Variants in SMARCAD1 observed in about 807,000 individuals in gnomAD.
The protein encoded by SMARCAD1 is SWI/SNF-related matrix-associated actin-dependent regulator of chromatin subfamily A containing DEAD/H box 1.
Under a neutral mutation model 127.1 loss-of-function variants are expected in SMARCAD1, and 25 were observed. That is an observed-to-expected ratio of 0.20 (90% CI 0.14 to 0.27). The LOEUF (loss-of-function observed/expected upper bound fraction) is 0.27. Among genes scored for constraint, SMARCAD1 ranks in the 10% least tolerant of loss-of-function variants. The pLI, the probability that SMARCAD1 is intolerant of heterozygous loss-of-function variation, is 1.00. For missense variants in SMARCAD1, 807 were observed against 1,206.0 expected, an observed-to-expected ratio of 0.67 and a Z score of 4.90; for synonymous variants, 400 against 396.9, an observed-to-expected ratio of 1.01 and a Z score of -0.09.
intron 6 of SMARCAD1, among the ~76,000 whole-genome samples, chr4:94,244,465 T>C (rs1007517118): frequency 5.9e-5 from 9 of 152,244 alleles, no homozygotes; most frequent in African/African-American, 1.7e-4. Flanking sequence ...ATATCTGTTA[T>C]GAACGCATGC....
At chr4:94,240,717 C>T (rs546766147) in intron 5 of SMARCAD1, among the ~76,000 whole-genome samples, 189 bp from the exon 6 acceptor site, 13 of 152,228 alleles carry the variant, frequency 8.5e-5, no homozygotes, top group African/African-American at 3.1e-4. Flanking sequence ...GTGATTTCTA[C>T]TTCTGAAAGA....
rs1229419406 is a variant in SMARCAD1 at position 94,208,009 on chromosome 4, T to C, written c.-111T>C. On this transcript the variant is annotated 5_prime_UTR_variant, in exon 1 of 24. Transcript: ENST00000354268. ...GCACGGTAGCACAGGGAGCTTCTCTTTGTGGGCGGGCGCGAGGCCCGCTAG... is the reference window on the plus strand; with the variant it reads ...GCACGGTAGCACAGGGAGCTTCTCTCTGTGGGCGGGCGCGAGGCCCGCTAG... 1.5e-5 allele frequency: 6 copies of C among 400,968 alleles called. No individual in the cohort carries two copies. The highest frequency in any genetic ancestry group is 1.0e-4 in the African/African-American group (5 of 48,294). 24.8% of individuals were successfully genotyped at this position (400,968 alleles called of 1,614,324 possible).
intron 6 of SMARCAD1, among the ~76,000 whole-genome samples, chr4:94,243,496 G>A (rs1335979225): frequency 2.0e-5 from 3 of 152,104 alleles, no homozygotes; most frequent in Non-Finnish European, 2.9e-5. Context: ...GTCATTTGAT[G>A]TTCTGTGGTC....
chr4:94,278,373 A>G (rs759697966), intron 16 of SMARCAD1, 49 bp from the exon 17 acceptor site: 10 of 1,472,800 alleles, frequency 6.8e-6, no homozygotes, highest in Admixed American at 3.4e-5. Context: ...TGTTATTGCA[A>G]TAATTTAAGT....
chr4:94,284,353 A>AAT (rs1754590155), intron 22 of SMARCAD1, among the ~76,000 whole-genome samples: 1 of 88,252 alleles, frequency 1.1e-5, no homozygotes, highest in Non-Finnish European at 2.6e-5. Context: ...AAAAAAAAAA[A>AAT]GAAAAAAGTA....
At chr4:94,209,589 A>G (rs932001801) in intron 2 of SMARCAD1, among the ~76,000 whole-genome samples, 1 of 152,190 alleles carries the variant, frequency 6.6e-6, no homozygotes, top group Non-Finnish European at 1.5e-5. Flanking sequence ...TTTGTTTGCC[A>G]CCCTTCTACT....
In SMARCAD1 at chr4:94,237,366, C is replaced by G. The variant is rs1458090979; in HGVS notation, c.604+348C>G. Among the ~76,000 whole-genome samples, 3 of 151,812 alleles carry G rather than the reference C, an allele frequency of 2.0e-5. No homozygotes were observed. In the East Asian group the frequency reaches 5.8e-4, roughly 29 times the overall value. On this transcript the variant is annotated intron_variant, in intron 5 of 23. Coordinates refer to ENST00000354268, the MANE Select transcript of SMARCAD1 (RefSeq NM_020159.5). ...AAGGCGTAGCTGGTAATCAACATTCCTTTAGTAAATATTTTTTCATGTTTC... is the reference window on the plus strand; with the variant it reads ...AAGGCGTAGCTGGTAATCAACATTCGTTTAGTAAATATTTTTTCATGTTTC...
chr4:94,248,546 T>A (rs770360885), intron 6 of SMARCAD1: 13 of 456,126 alleles, frequency 2.9e-5, no homozygotes, highest in South Asian at 1.9e-4. Context: ...TCCAGATGGG[T>A]TTCACCAGTA....
intron 8 of SMARCAD1, among the ~76,000 whole-genome samples, chr4:94,251,084 T>G (rs1749209504): frequency 6.6e-6 from 1 of 152,222 alleles, no homozygotes; most frequent in African/African-American, 2.4e-5. Context: ...TTCTTAATAG[T>G]TAAGGCTACT....
rs768819433 is a variant in SMARCAD1 at position 94,264,823 on chromosome 4, A to G, written c.1398A>G (p.Ser466=). Residue 466 remains serine, a synonymous_variant, in exon 10 of 24, where the codon TCA becomes TCG. Transcript: ENST00000354268. ...IRLMNKCEDI[S]NKLTKQVTML... ...TTATGAACAAATGTGAAGACATTTCAAATAAATTGACCAAACAAGTTACCA... is the reference window on the plus strand; with the variant it reads ...TTATGAACAAATGTGAAGACATTTCGAATAAATTGACCAAACAAGTTACCA... The G allele has an allele frequency of 1.9e-6, 3 of 1,613,188 alleles. No individual in the cohort carries two copies. The highest frequency in any genetic ancestry group is 1.7e-6 in the Non-Finnish European group (2 of 1,179,350).
rs1276327255 is a variant in SMARCAD1 at position 94,274,617 on chromosome 4, A to G, written c.1673-121A>G. The G allele has an allele frequency of 8.3e-6, 8 of 966,882 alleles. No individual in the cohort carries two copies. The East Asian group carries it at 1.5e-4, about 18-fold the overall frequency. 59.9% of individuals were successfully genotyped at this position (966,882 alleles called of 1,614,324 possible). A position where few individuals can be genotyped will look rare whatever the true frequency, so the allele number is the denominator to read the frequency against. The stretch of plus-strand genomic sequence containing the variant: ...CAGGCATGAGCCACCTTGCTGGGCC[A>G]GTATTTACTTTTTATAAAAGACTGA... On this transcript the variant is annotated intron_variant, in intron 12 of 23. Transcript: ENST00000354268.
chr4:94,291,225 ATGTAGT>A lies in SMARCAD1; in HGVS notation c.*1694_*1699del, dbSNP rs1477475546. The A allele has an allele frequency of 2.2e-6, 1 of 453,820 alleles. No individual in the cohort carries two copies. Among genetic ancestry groups the A allele is most frequent in the African/African-American group, 2.0e-5 (1 of 49,956 alleles). 28.1% of individuals were successfully genotyped at this position (453,820 alleles called of 1,614,324 possible). A position where few individuals can be genotyped will look rare whatever the true frequency, so the allele number is the denominator to read the frequency against. On this transcript the variant is annotated 3_prime_UTR_variant, in exon 24 of 24. Coordinates refer to ENST00000354268, the MANE Select transcript of SMARCAD1 (RefSeq NM_020159.5). ...TATCCATACTTTTATCTCTAATGAA[ATGTAGT>A]TGGGTTCTTCCTGTAATGCGCTATT...
At chr4:94,212,371 C>A (rs943621796) in intron 2 of SMARCAD1, among the ~76,000 whole-genome samples, 10 of 152,104 alleles carry the variant, frequency 6.6e-5, no homozygotes, top group African/African-American at 2.4e-4. Context: ...GACGGCATTT[C>A]GCTATGTTGA....
chr4:94,211,697 C>T (rs1742292196), intron 2 of SMARCAD1, among the ~76,000 whole-genome samples: 1 of 152,116 alleles, frequency 6.6e-6, no homozygotes, highest in African/African-American at 2.4e-5. Flanking sequence ...GTGCCACCAC[C>T]ACATTGTTTC....
chr4:94,226,411 T>TC, intron 3 of SMARCAD1, 115 bp downstream of exon 3: 1 of 827,082 alleles, frequency 1.2e-6, no homozygotes, highest in African/African-American at 1.7e-5. Context: ...TCTTTTTTTT[T>TC]TTTGCCCCAC....
In SMARCAD1 at chr4:94,236,944, T is replaced by C. The variant is rs752808578; in HGVS notation, c.538-8T>C. On this transcript the variant is annotated splice_polypyrimidine_tract_variant and splice_region_variant and intron_variant, in intron 4 of 23. Transcript: ENST00000354268. ...ATTTAAAACATTAATCTTTTCTCGTTCTGTTAGTTGATTGAATCAACAAGC... is the reference window on the plus strand; with the variant it reads ...ATTTAAAACATTAATCTTTTCTCGTCCTGTTAGTTGATTGAATCAACAAGC... 6.2e-7 allele frequency: 1 copy of C among 1,610,500 alleles called. No individual in the cohort carries two copies.
rs528568208 is a variant in SMARCAD1, at chr4:94,277,118, A to G, written c.2041A>G (p.Ser681Gly). Residue 681 changes from serine (S) to glycine (G), a missense_variant, in exon 16 of 24, where the codon AGT (serine) becomes GGT (glycine). Ser to Gly is a moderately conservative substitution (Grantham distance 56). Transcript: ENST00000354268. Reference sequence around the variant, plus strand: ...TTTTGTTATGCCACACATGTTTAGTAGTAGCACCAGTGAAATACGAAGAAT... The same window carrying G: ...TTTTGTTATGCCACACATGTTTAGTGGTAGCACCAGTGAAATACGAAGAAT... ...LNFVMPHMFS[S>G]STSEIRRMFS... 6.2e-7 allele frequency: 1 copy of G among 1,614,100 alleles called. No homozygotes were observed. The highest frequency in any genetic ancestry group is 1.1e-5 in the South Asian group (1 of 91,078).
At chr4:94,226,327 C>T in intron 3 of SMARCAD1, 31 bp downstream of exon 3, 3 of 1,567,252 alleles carry the variant, frequency 1.9e-6, no homozygotes, top group Non-Finnish European at 1.8e-6. Flanking sequence ...ATTGTATTTG[C>T]ATGTGTGTGA....
chr4:94,268,751 A>G (rs1752106129), intron 10 of SMARCAD1, among the ~76,000 whole-genome samples: 1 of 152,222 alleles, frequency 6.6e-6, no homozygotes, highest in Non-Finnish European at 1.5e-5. Context: ...CTCATCTGTA[A>G]AATGCAGATA....
Sources: allele counts gnomAD v4.1 joint callset (sites outside exome capture counted in the v4.1 genomes callset), GRCh38; gene constraint gnomAD v4.1.1; transcripts MANE v1.5; gene names NCBI Gene and HGNC (gene_info 2026-07-23, HGNC 2026-07-21).